The following HP1BP3 variants were observed in gnomAD, a reference collection of about 807,000 sequenced individuals.
The protein encoded by HP1BP3 is heterochromatin protein 1 binding protein 3.
In HP1BP3, 12 loss-of-function variants were observed where a neutral mutation model predicts 62.5. That is an observed-to-expected ratio of 0.19 (90% CI 0.12 to 0.31). The LOEUF is 0.31. Ranked by LOEUF, HP1BP3 falls within the 10% of genes least tolerant of loss-of-function variation. The pLI is 1.00. For synonymous variants in HP1BP3, 260 were observed against 237.8 expected (o/e 1.09, Z -0.86); for missense variants, 502 against 651.8 (o/e 0.77, Z 2.50).
At chr1:20,764,104 G>A (rs543909295) in intron 8 of HP1BP3, among the ~76,000 whole-genome samples, 38 of 152,138 alleles carry the variant, frequency 2.5e-4, no homozygotes, top group Admixed American at 2.5e-3. Context: ...AATTTCATTT[G>A]TGTAAAGTAT....
rs926623706 is a variant in HP1BP3 at position 20,742,990 on chromosome 1, C to T, written c.*1807G>A. 6 of 152,564 alleles carry T rather than the reference C, an allele frequency of 3.9e-5. No homozygotes were observed. Among genetic ancestry groups the T allele is most frequent in the Non-Finnish European group, 8.8e-5 (6 of 68,042 alleles). The allele number at this position is 152,564 out of a possible 1,614,324, so 9.5% of individuals were successfully genotyped here. A position where few individuals can be genotyped will look rare whatever the true frequency, so the allele number is the denominator to read the frequency against. On this transcript the variant is annotated 3_prime_UTR_variant, in exon 13 of 13. Transcript: ENST00000438032. ...TTTAAGACAATTAAAATGTCAAGTGCCACAGGGAAGAGAAATGATAACCAG... is the reference window on the plus strand; with the variant it reads ...TTTAAGACAATTAAAATGTCAAGTGTCACAGGGAAGAGAAATGATAACCAG...
At chr1:20,787,096 A>C (rs1291979435) in intron 1 of HP1BP3, 99 bp downstream of exon 1, 2 of 151,332 alleles carry the variant, frequency 1.3e-5, no homozygotes, top group African/African-American at 4.9e-5. Context: ...CCTCTCTGGG[A>C]GCGGCGTCGG....
chr1:20,740,496 C>G lies in HP1BP3; in HGVS notation c.*4301G>C, dbSNP rs1024220663. Among the ~76,000 whole-genome samples the G allele has an allele frequency of 6.6e-6, 1 of 152,190 alleles. No homozygotes were observed. Among genetic ancestry groups the G allele is most frequent in the Non-Finnish European group, 1.5e-5 (1 of 68,042 alleles). On this transcript the variant is annotated 3_prime_UTR_variant, in exon 13 of 13. Transcript: ENST00000438032. ...AAGTTTTCCAACAGGAAAAAAGCCACTGAAGTTAACAGTCTTGTGGAAAAG... is the reference window on the plus strand; with the variant it reads ...AAGTTTTCCAACAGGAAAAAAGCCAGTGAAGTTAACAGTCTTGTGGAAAAG...
At chr1:20,761,987 A>G (rs1414550302) in intron 8 of HP1BP3, among the ~76,000 whole-genome samples, 1 of 152,194 alleles carries the variant, frequency 6.6e-6, no homozygotes, top group Non-Finnish European at 1.5e-5. Flanking sequence ...ATATTCAGGT[A>G]AAGTGGTGGG....
chr1:20,757,683 T>C (rs1280033504), intron 8 of HP1BP3, among the ~76,000 whole-genome samples: 5 of 152,080 alleles, frequency 3.3e-5, no homozygotes, highest in Admixed American at 2.0e-4. Context: ...AGATTAGATT[T>C]TAACATTTGA....
At chr1:20,771,267 T>G (rs914202785) in intron 5 of HP1BP3, among the ~76,000 whole-genome samples, 194 bp from the exon 6 acceptor site, 12 of 152,194 alleles carry the variant, frequency 7.9e-5, no homozygotes, top group Non-Finnish European at 1.5e-4. Context: ...TACTACAATT[T>G]TAAATTGTTC....
chr1:20,761,570 A>T (rs2056484463), intron 8 of HP1BP3, among the ~76,000 whole-genome samples: 1 of 152,166 alleles, frequency 6.6e-6, no homozygotes, highest in Non-Finnish European at 1.5e-5. Flanking sequence ...TAAATCAGAC[A>T]TCCAAGTGCT....
In HP1BP3 at chr1:20,757,158, T is replaced by G. The variant is rs934768329; in HGVS notation, c.981+8A>C. 8 of 1,593,952 alleles carry G rather than the reference T, an allele frequency of 5.0e-6. No homozygotes were observed. Among genetic ancestry groups the G allele is most frequent in the Admixed American group, 3.4e-5 (2 of 58,886 alleles). ...CACTTCTCCACAACCAGGCCTCTGA[T>G]CTCTAACCTGGAATGTCCCCGAAGC... On this transcript the variant is annotated splice_region_variant and intron_variant, in intron 9 of 12. Coordinates refer to ENST00000438032, the MANE Select transcript of HP1BP3 (RefSeq NM_001372052.1).
In HP1BP3 at chr1:20,745,121, T is replaced by C. The variant is rs762912332; in HGVS notation, c.1368-30A>G. 1.4e-5 allele frequency: 22 copies of C among 1,576,888 alleles called. No homozygotes were observed. In the East Asian group the frequency reaches 4.3e-4, roughly 30 times the overall value. ...GAGAACCAAAGAGCAAAGGCCGTCATTTAGTACTTAAGAGATTCGTTTTGT... is the reference window on the plus strand; with the variant it reads ...GAGAACCAAAGAGCAAAGGCCGTCACTTAGTACTTAAGAGATTCGTTTTGT... On this transcript the variant is annotated intron_variant, in intron 12 of 12. Transcript: ENST00000438032.
At position 20,744,491 on chromosome 1, in the gene HP1BP3, CAAAGCTGACCATA is replaced by C. The variant is rs2055189032; in HGVS notation, c.*293_*305del. 4.4e-6 allele frequency: 1 copy of C among 229,366 alleles called. No individual in the cohort carries two copies. The highest frequency in any genetic ancestry group is 2.3e-5 in the African/African-American group (1 of 42,926). The allele number at this position is 229,366 out of a possible 1,614,324, so 14.2% of individuals were successfully genotyped here. A position where few individuals can be genotyped will look rare whatever the true frequency, so the allele number is the denominator to read the frequency against. ...ATAAAATTGGAAGAAAAAAAAAAGG[CAAAGCTGACCATA>C]AAAACAACAGGGGGTTGGGGGAGGC... On this transcript the variant is annotated 3_prime_UTR_variant, in exon 13 of 13. Coordinates refer to ENST00000438032, the MANE Select transcript of HP1BP3 (RefSeq NM_001372052.1).
At chr1:20,747,325 G>A (rs1432003020) in intron 11 of HP1BP3, among the ~76,000 whole-genome samples, 1 of 152,056 alleles carries the variant, frequency 6.6e-6, no homozygotes, top group East Asian at 1.9e-4. Flanking sequence ...TGCGAAGCCT[G>A]CATACAAAGA....
intron 7 of HP1BP3, among the ~76,000 whole-genome samples, chr1:20,766,373 G>T (rs2056784402): frequency 6.7e-6 from 1 of 149,592 alleles, no homozygotes; most frequent in Non-Finnish European, 1.5e-5. Flanking sequence ...TACAGCACCA[G>T]AAAAAAATGC....
At chr1:20,760,142 C>T (rs1015805399) in intron 8 of HP1BP3, among the ~76,000 whole-genome samples, 1 of 152,154 alleles carries the variant, frequency 6.6e-6, no homozygotes, top group African/African-American at 2.4e-5. Flanking sequence ...CCGCCTCAGA[C>T]TCCCAAAGTG....
chr1:20,770,505 G>T (rs1486800289), intron 6 of HP1BP3, among the ~76,000 whole-genome samples: 1 of 151,888 alleles, frequency 6.6e-6, no homozygotes, highest in African/African-American at 2.4e-5. Context: ...TGTAGAGAAG[G>T]GGTCTTGCTA....
At chr1:20,754,208 C>T (rs2055952769) in intron 9 of HP1BP3, among the ~76,000 whole-genome samples, 2 of 152,146 alleles carry the variant, frequency 1.3e-5, no homozygotes. Context: ...TACAGGTTAG[C>T]GTTAACAACC....
intron 6 of HP1BP3, among the ~76,000 whole-genome samples, chr1:20,768,128 A>T (rs1393981352): frequency 1.3e-5 from 2 of 151,876 alleles, no homozygotes; most frequent in Non-Finnish European, 2.9e-5. Flanking sequence ...CCAATGATAC[A>T]TTATTCCTTA....
intron 9 of HP1BP3, among the ~76,000 whole-genome samples, chr1:20,750,810 TTC>T (rs1245554089): frequency 4.8e-4 from 63 of 132,578 alleles, no homozygotes; most frequent in African/African-American, 1.5e-3. Context: ...TAAATATATT[TTC>T]TCTCTTTTTT....
Position 20,775,894 on chromosome 1 carries a change from G to A in HP1BP3, c.350+703C>T, listed in dbSNP as rs868690083. On this transcript the variant is annotated intron_variant, in intron 4 of 12. Transcript: ENST00000438032. The stretch of plus-strand genomic sequence containing the variant: ...CACGATGATGAAATCGCCTAAAGAT[G>A]TATCTCTCAGAATGTATACCCATTG... 1.2e-5 allele frequency: 17 copies of A among 1,414,888 alleles called. No individual in the cohort carries two copies. The African/African-American group carries it at 1.3e-4, about 11-fold the overall frequency. 87.6% of individuals were successfully genotyped at this position (1,414,888 alleles called of 1,614,324 possible).
intron 4 of HP1BP3, chr1:20,775,982 G>A: frequency 6.8e-7 from 1 of 1,460,854 alleles, no homozygotes; most frequent in South Asian, 1.4e-5. Flanking sequence ...TATGAAAAGA[G>A]TGGAATGAAT....
Sources: allele counts gnomAD v4.1 joint callset (sites outside exome capture counted in the v4.1 genomes callset), GRCh38; gene constraint gnomAD v4.1.1; transcripts MANE v1.5; gene names NCBI Gene and HGNC (gene_info 2026-07-23, HGNC 2026-07-21).